CHM: variants seen among roughly 807,000 people sequenced by gnomAD.
CHM encodes the protein CHM Rab escort protein.
In CHM, 10 loss-of-function variants were observed where a neutral mutation model predicts 49.0. That is an observed-to-expected ratio of 0.20 (90% CI 0.13 to 0.35). CHM has a LOEUF of 0.35. Ranked by LOEUF, CHM falls within the 10% of genes least tolerant of loss-of-function variation. CHM has a pLI of 1.00. For synonymous variants in CHM, 184 were observed against 167.5 expected (o/e 1.10, Z -0.76); for missense variants, 455 against 478.4 (o/e 0.95, Z 0.46).
intron 8 of CHM, among the ~76,000 whole-genome samples, chrX:85,948,876 G>A (rs1447429039): frequency 3.6e-5 from 4 of 111,856 alleles, no homozygotes; most frequent in Non-Finnish European, 7.5e-5. Context: ...AAAGCATTAT[G>A]AAGAGAATCT....
chrX:85,910,023 T>C (rs1926834849), intron 9 of CHM, among the ~76,000 whole-genome samples: 1 of 111,926 alleles, frequency 8.9e-6, no homozygotes, highest in Admixed American at 9.5e-5. Flanking sequence ...AACTATCATG[T>C]TTCATTTTGT....
intron 12 of CHM, among the ~76,000 whole-genome samples, chrX:85,889,977 C>T (rs1467657468): frequency 9.0e-6 from 1 of 111,033 alleles, no homozygotes; most frequent in Non-Finnish European, 1.9e-5. Flanking sequence ...CATGAACTCA[C>T]AAGTAGGAGC....
chrX:86,022,641 C>T (rs1441994365), intron 2 of CHM, among the ~76,000 whole-genome samples: 1 of 111,102 alleles, frequency 9.0e-6, no homozygotes, highest in Non-Finnish European at 1.9e-5. Context: ...ATTCTATTCA[C>T]TTCTTTGGTT....
chrX:85,993,682 T>C (rs1344111898), intron 2 of CHM, among the ~76,000 whole-genome samples: 2 of 112,002 alleles, frequency 1.8e-5, no homozygotes, highest in East Asian at 2.8e-4. Context: ...TCCCCAGTCT[T>C]ATCTCTGGAC....
chrX:85,865,575 TGGG>T (rs1923640309), intron 14 of CHM, among the ~76,000 whole-genome samples: 1 of 111,620 alleles, frequency 9.0e-6, no homozygotes, highest in Non-Finnish European at 1.9e-5. Flanking sequence ...ACTATGGAAT[TGGG>T]TAACAGGCAG....
At chrX:85,987,584 T>C (rs1351652377) in intron 2 of CHM, among the ~76,000 whole-genome samples, 1 of 111,594 alleles carries the variant, frequency 9.0e-6, no homozygotes, top group East Asian at 2.8e-4. Flanking sequence ...AGTTGGCTTT[T>C]TGAAAAAATT....
chrX:85,925,648 T>C (rs1928037337), intron 8 of CHM, among the ~76,000 whole-genome samples: 1 of 111,681 alleles, frequency 9.0e-6, no homozygotes, highest in Non-Finnish European at 1.9e-5. Flanking sequence ...ATGATATATA[T>C]TCATTTTTGT....
chrX:86,004,952 G>A (rs896675627), intron 2 of CHM, among the ~76,000 whole-genome samples: 2 of 112,077 alleles, frequency 1.8e-5, no homozygotes, highest in African/African-American at 6.5e-5. Flanking sequence ...AAAGTCAACA[G>A]AATATACATT....
intron 8 of CHM, among the ~76,000 whole-genome samples, chrX:85,943,599 T>G: frequency 8.9e-6 from 1 of 112,266 alleles, no homozygotes; most frequent in Admixed American, 9.5e-5. Flanking sequence ...TTCTGGAAGC[T>G]GAATATGCAT....
intron 11 of CHM, among the ~76,000 whole-genome samples, chrX:85,895,096 T>G (rs1415959870): frequency 9.1e-6 from 1 of 110,234 alleles, no homozygotes; most frequent in Non-Finnish European, 1.9e-5. Context: ...GGCTTTATAT[T>G]TTAAAACTTT....
chrX:85,944,561 T>C (rs1200894596), intron 8 of CHM, among the ~76,000 whole-genome samples: 1 of 112,008 alleles, frequency 8.9e-6, no homozygotes, highest in Non-Finnish European at 1.9e-5. Flanking sequence ...TGCTTAAAGA[T>C]ACATATATCC....
chrX:85,918,228 T>C (rs759761888), intron 8 of CHM, among the ~76,000 whole-genome samples: 2 of 110,957 alleles, frequency 1.8e-5, no homozygotes, highest in African/African-American at 3.3e-5. Flanking sequence ...GCAGAAACAT[T>C]ACAAGCCAGA....
Position 85,861,393 on chromosome X carries a change from CA to C in CHM, c.*3236del, listed in dbSNP as rs754075141. On this transcript the variant is annotated 3_prime_UTR_variant, in exon 15 of 15. Coordinates refer to ENST00000357749, the MANE Select transcript of CHM (RefSeq NM_000390.4). ...ACTATTTAGCAATTAAATTTCAACA[CA>C]TTTTTTTTGGAACTCTTTAGGACTT... 22 of 111,661 alleles carry C rather than the reference CA, an allele frequency of 2.0e-4. No individual in the cohort carries two copies. The East Asian group carries it at 5.3e-3, about 27-fold the overall frequency. 9.2% of individuals were successfully genotyped at this position (111,661 alleles called of 1,213,427 possible). A position where few individuals can be genotyped will look rare whatever the true frequency, so the allele number is the denominator to read the frequency against.
chrX:85,969,103 C>T, intron 4 of CHM: 1 of 692,937 alleles, frequency 1.4e-6, no homozygotes, highest in Non-Finnish European at 1.7e-6. Flanking sequence ...ATTCCTATTG[C>T]AAAAAAATCT....
chrX:86,038,155 T>A (rs1001221787), intron 1 of CHM, among the ~76,000 whole-genome samples: 1 of 111,680 alleles, frequency 9.0e-6, no homozygotes, highest in Non-Finnish European at 1.9e-5. Flanking sequence ...CTAAATAAGA[T>A]CACTACAAAG....
intron 1 of CHM, among the ~76,000 whole-genome samples, chrX:86,035,050 G>A (rs1006488588): frequency 1.8e-5 from 2 of 111,483 alleles, no homozygotes; most frequent in Non-Finnish European, 3.8e-5. Flanking sequence ...AAAGGAAAGA[G>A]AAGGTCTAGA....
intron 8 of CHM, among the ~76,000 whole-genome samples, chrX:85,940,549 G>A (rs1198163750): frequency 1.8e-5 from 2 of 109,886 alleles, no homozygotes; most frequent in African/African-American, 6.6e-5. Context: ...CATCTAGTGG[G>A]TAGAATCCAG....
At chrX:85,897,637 G>C (rs1925990365) in intron 11 of CHM, among the ~76,000 whole-genome samples, 1 of 110,434 alleles carries the variant, frequency 9.1e-6, no homozygotes, top group Non-Finnish European at 1.9e-5. Context: ...GATAAGCAGG[G>C]TGGGTAAAAT....
rs1923559169 is a variant in CHM, at chrX:85,864,396, C to A, written c.*234G>T. Reference sequence around the variant, plus strand: ...TGAGAATCAATTGATTTATAATTTTCATCTGCTAGTCACACAAGTTTGGTA... The same window carrying A: ...TGAGAATCAATTGATTTATAATTTTAATCTGCTAGTCACACAAGTTTGGTA... On this transcript the variant is annotated 3_prime_UTR_variant, in exon 15 of 15. Coordinates refer to ENST00000357749, the MANE Select transcript of CHM (RefSeq NM_000390.4). 2 of 392,115 alleles carry A rather than the reference C, an allele frequency of 5.1e-6. No homozygotes were observed. The highest frequency in any genetic ancestry group is 8.8e-5 in the East Asian group (2 of 22,791). The allele number at this position is 392,115 out of a possible 1,213,427, so 32.3% of individuals were successfully genotyped here. A position where few individuals can be genotyped will look rare whatever the true frequency, so the allele number is the denominator to read the frequency against.
Sources: allele counts gnomAD v4.1 joint callset (sites outside exome capture counted in the v4.1 genomes callset), GRCh38; gene constraint gnomAD v4.1.1; transcripts MANE v1.5; gene names NCBI Gene and HGNC (gene_info 2026-07-23, HGNC 2026-07-21).